Variants in APCDD1L observed in about 807,000 individuals in gnomAD.
The protein encoded by APCDD1L is APC down-regulated 1 like, also known as protein APCDD1-like.
Under a neutral mutation model 24.2 loss-of-function variants are expected in APCDD1L, and 21 were observed. The observed-to-expected ratio is 0.87, with a 90% CI of 0.61 to 1.25. APCDD1L has a LOEUF of 1.25. Among genes scored for constraint, APCDD1L ranks in the 50% most tolerant of loss-of-function variants. The probability of loss-of-function intolerance (pLI) is 0.00; values close to 1 mark genes in which losing one functional copy is unlikely to be tolerated. For missense variants in APCDD1L, 704 were observed against 711.7 expected (o/e 0.99, Z 0.12); for synonymous variants, 321 against 323.6 (o/e 0.99, Z 0.09).
In APCDD1L at chr20:58,467,375, A is replaced by T. The variant is rs977320906; in HGVS notation, c.472T>A (p.Cys158Ser). Residue 158 changes from cysteine (C) to serine (S), a missense_variant, in exon 3 of 4, where the codon TGC becomes AGC. Transcript: ENST00000371149. The surrounding 1 kb of genome is among the most constrained non-coding windows in gnomAD (Gnocchi z 5.9). The stretch of plus-strand genomic sequence containing the variant: ...CGGGCCGGAGGCAGCCGCCGCGCGC[A>T]GTCCCGGCCGGCGCGGGTCTGGTTG... ...RLNQTRAGRD[C>S]ARRLPPARAW... The T allele has an allele frequency of 8.9e-5, 132 of 1,481,622 alleles. No homozygotes were observed. The highest frequency in any genetic ancestry group is 1.0e-4 in the Non-Finnish European group (116 of 1,123,454). 91.8% of individuals were successfully genotyped at this position (1,481,622 alleles called of 1,614,324 possible). A position where few individuals can be genotyped will look rare whatever the true frequency, so the allele number is the denominator to read the frequency against.
In APCDD1L at chr20:58,467,356, G is replaced by A. The variant is rs1465609057; in HGVS notation, c.491C>T (p.Pro164Leu). The A allele has an allele frequency of 1.4e-6, 2 of 1,474,980 alleles. No individual in the cohort carries two copies. Among genetic ancestry groups the A allele is most frequent in the Admixed American group, 5.1e-5 (2 of 39,374 alleles). The allele number at this position is 1,474,980 out of a possible 1,614,324, so 91.4% of individuals were successfully genotyped here. A position where few individuals can be genotyped will look rare whatever the true frequency, so the allele number is the denominator to read the frequency against. The stretch of plus-strand genomic sequence containing the variant: ...CGCCCCAGGCAGCCAGGCCCGGGCC[G>A]GAGGCAGCCGCCGCGCGCAGTCCCG... Reference protein sequence around the residue: ...AGRDCARRLPPARAWLPGALY... With the variant: ...AGRDCARRLPLARAWLPGALY... Residue 164 changes from proline (P) to leucine (L), a missense_variant, in exon 3 of 4, where the codon CCG becomes CTG. Transcript: ENST00000371149. The surrounding 1 kb of genome is among the most constrained non-coding windows in gnomAD (Gnocchi z 5.9).
intron 1 of APCDD1L, among the ~76,000 whole-genome samples, chr20:58,499,352 C>A (rs79434883): frequency 3.9e-5 from 6 of 152,158 alleles, no homozygotes; most frequent in African/African-American, 1.4e-4. Context: ...TGAGAGAGGA[C>A]GGGAATGGAA....
In APCDD1L at chr20:58,494,944, C is replaced by T. The variant is rs1256965415; in HGVS notation, c.49+19715G>A. Among the ~76,000 whole-genome samples the T allele has an allele frequency of 2.0e-5, 3 of 152,184 alleles. No homozygotes were observed. The East Asian group carries it at 5.8e-4, about 29-fold the overall frequency. On this transcript the variant is annotated intron_variant, in intron 1 of 3. Coordinates refer to ENST00000371149, the MANE Select transcript of APCDD1L (RefSeq NM_153360.3). This position sits in a 1 kb window ranked among gnomAD's most constrained non-coding sequence, Gnocchi z 4.8. Reference sequence around the variant, plus strand: ...TCTCCTCCTTCAGCTCAAGCGTCTCCTCTTCAGTGAGAACACCCCCATGAC... The same window carrying T: ...TCTCCTCCTTCAGCTCAAGCGTCTCTTCTTCAGTGAGAACACCCCCATGAC...
At chr20:58,492,527 C>T (rs1203273654) in intron 1 of APCDD1L, among the ~76,000 whole-genome samples, 1 of 152,164 alleles carries the variant, frequency 6.6e-6, no homozygotes, top group Non-Finnish European at 1.5e-5. Context: ...TTATGAATTG[C>T]AAAAATAGCA....
intron 1 of APCDD1L, among the ~76,000 whole-genome samples, chr20:58,473,260 C>T (rs1236863736): frequency 6.6e-6 from 1 of 152,136 alleles, no homozygotes; most frequent in Non-Finnish European, 1.5e-5. Context: ...CTGCACCCTC[C>T]CTGAAGTCAC....
At chr20:58,506,037 T>C (rs187104698) in intron 1 of APCDD1L, among the ~76,000 whole-genome samples, 90 of 152,288 alleles carry the variant, frequency 5.9e-4, no homozygotes, top group African/African-American at 2.2e-3. Context: ...ACCTTGATTT[T>C]GGATGTCTGT....
In APCDD1L at chr20:58,497,459, A is replaced by T. The variant is rs1483753640; in HGVS notation, c.49+17200T>A. Among the ~76,000 whole-genome samples, 16 of 152,172 alleles carry T rather than the reference A, an allele frequency of 1.1e-4. No homozygotes were observed. The highest frequency in any genetic ancestry group is 1.0e-3 in the Admixed American group (16 of 15,278). On this transcript the variant is annotated intron_variant, in intron 1 of 3. Coordinates refer to ENST00000371149, the MANE Select transcript of APCDD1L (RefSeq NM_153360.3). This position sits in a 1 kb window ranked among gnomAD's most constrained non-coding sequence, Gnocchi z 4.3. ...TGCTGGAGGCCATGAGTCTGGGCTC[A>T]TGAGTCTGGGCTCAAGGTGCGAGCT...
chr20:58,512,674 TA>T (rs574773535), intron 1 of APCDD1L, among the ~76,000 whole-genome samples: 1 of 152,294 alleles, frequency 6.6e-6, no homozygotes, highest in East Asian at 1.9e-4. Context: ...CTCAGGCACC[TA>T]AATTATGTCA....
intron 1 of APCDD1L, among the ~76,000 whole-genome samples, chr20:58,499,857 T>C (rs996192911): frequency 1.3e-5 from 2 of 152,250 alleles, no homozygotes; most frequent in Admixed American, 1.3e-4. Context: ...CCTCTTTTTT[T>C]TCTCTCATAA....
At chr20:58,495,184 A>C (rs1990297965) in intron 1 of APCDD1L, among the ~76,000 whole-genome samples, 1 of 152,240 alleles carries the variant, frequency 6.6e-6, no homozygotes, top group Admixed American at 6.5e-5. Context: ...CGTACCTGCC[A>C]GAGTCACACG....
intron 1 of APCDD1L, among the ~76,000 whole-genome samples, chr20:58,481,353 G>A (rs936014001): frequency 1.3e-5 from 2 of 152,234 alleles, no homozygotes; most frequent in South Asian, 4.1e-4. Context: ...GAACGAAGGT[G>A]TTCGTATACA....
Position 58,508,892 on chromosome 20 carries a change from G to T in APCDD1L, c.49+5767C>A, listed in dbSNP as rs1990572489. On this transcript the variant is annotated intron_variant, in intron 1 of 3. Coordinates refer to ENST00000371149, the MANE Select transcript of APCDD1L (RefSeq NM_153360.3). The surrounding 1 kb of genome is among the most constrained non-coding windows in gnomAD (Gnocchi z 4.0). ...GTGCAGAAAGGCAGAGCGGGGTACT[G>T]GGAAAGACTGTGTGCACATGCGTGA... 6.6e-6 allele frequency among the ~76,000 whole-genome samples: 1 copy of T among 152,142 alleles called. No individual in the cohort carries two copies. The highest frequency in any genetic ancestry group is 1.5e-5 in the Non-Finnish European group (1 of 68,014).
chr20:58,464,222 C>G (rs766687924), intron 3 of APCDD1L, among the ~76,000 whole-genome samples: 1 of 152,162 alleles, frequency 6.6e-6, no homozygotes, highest in Non-Finnish European at 1.5e-5. Flanking sequence ...GCAACATAAT[C>G]CCAGAGCTGT....
intron 1 of APCDD1L, among the ~76,000 whole-genome samples, chr20:58,489,552 C>T (rs183545688): frequency 9.9e-5 from 15 of 151,894 alleles, no homozygotes; most frequent in East Asian, 1.9e-4. Context: ...GGTGTGGTGG[C>T]GGGCACCTGT....
At position 58,467,696 on chromosome 20, in the gene APCDD1L, A is replaced by C; in HGVS notation, c.189-38T>G. The C allele has an allele frequency of 7.0e-7, 1 of 1,426,466 alleles. No individual in the cohort carries two copies. The highest frequency in any genetic ancestry group is 9.2e-7 in the Non-Finnish European group (1 of 1,089,352). 88.4% of individuals were successfully genotyped at this position (1,426,466 alleles called of 1,614,324 possible). A position where few individuals can be genotyped will look rare whatever the true frequency, so the allele number is the denominator to read the frequency against. On this transcript the variant is annotated intron_variant, in intron 2 of 3. Coordinates refer to ENST00000371149, the MANE Select transcript of APCDD1L (RefSeq NM_153360.3). This position sits in a 1 kb window ranked among gnomAD's most constrained non-coding sequence, Gnocchi z 5.9. ...AAGGAGATGGGCTGGGTGCAGAGGGAACACCGCGCCGCGAGCCCCTCTCCC... is the reference window on the plus strand; with the variant it reads ...AAGGAGATGGGCTGGGTGCAGAGGGCACACCGCGCCGCGAGCCCCTCTCCC...
chr20:58,511,930 C>T lies in APCDD1L; in HGVS notation c.49+2729G>A, dbSNP rs546832836. The stretch of plus-strand genomic sequence containing the variant: ...AAAAAATACAAGTTCGAAAAAAAAG[C>T]AGCAGCTATGGTTTCTCATTTTCCC... On this transcript the variant is annotated intron_variant, in intron 1 of 3. Transcript: ENST00000371149. Among the ~76,000 whole-genome samples, 3 of 152,142 alleles carry T rather than the reference C, an allele frequency of 2.0e-5. No homozygotes were observed. The South Asian group carries it at 6.2e-4, about 32-fold the overall frequency.
intron 1 of APCDD1L, among the ~76,000 whole-genome samples, chr20:58,479,280 C>A (rs1391726821): frequency 1.3e-5 from 2 of 152,256 alleles, no homozygotes; most frequent in African/African-American, 4.8e-5. Flanking sequence ...GTGCTTTTCC[C>A]CCCCATACCA....
chr20:58,475,044 C>T (rs1989880425), intron 1 of APCDD1L, among the ~76,000 whole-genome samples: 2 of 152,150 alleles, frequency 1.3e-5, no homozygotes, highest in African/African-American at 4.8e-5. Flanking sequence ...TTCCAGTTTG[C>T]AGATGAACAG....
At chr20:58,502,455 C>G (rs1299832254) in intron 1 of APCDD1L, among the ~76,000 whole-genome samples, 1 of 152,160 alleles carries the variant, frequency 6.6e-6, no homozygotes, top group Non-Finnish European at 1.5e-5. Context: ...ATACCACCAA[C>G]TAGATTGCAA....
Sources: gnomAD v4.1 joint callset for allele counts (sites outside exome capture counted in the v4.1 genomes callset) on GRCh38, gnomAD v4.1.1 for gene constraint, Gnocchi (gnomAD v3.1) non-coding constraint, MANE v1.5 for transcripts, NCBI Gene and HGNC (gene_info 2026-07-23, HGNC 2026-07-21) for gene names.